The following ATP6V1C1 variants were observed in gnomAD, a reference collection of about 807,000 sequenced individuals.
ATP6V1C1 encodes the protein V-type proton ATPase subunit C 1.
ATP6V1C1 carries 45 observed loss-of-function variants against 53.9 expected under a neutral mutation model. The observed-to-expected ratio is 0.83, with a 90% CI of 0.66 to 1.07. The LOEUF (loss-of-function observed/expected upper bound fraction) is 1.07, where lower values mean the gene tolerates loss of function less well. ATP6V1C1 is among the 50% of genes least tolerant of loss of function. The pLI is 0.00. For synonymous variants in ATP6V1C1, 153 were observed against 155.2 expected, an observed-to-expected ratio of 0.99 and a Z score of 0.11; for missense variants, 315 against 440.3, an observed-to-expected ratio of 0.72 and a Z score of 2.55.
At chr8:103,066,052 A>G (rs769562938) in intron 11 of ATP6V1C1, among the ~76,000 whole-genome samples, 11 of 152,126 alleles carry the variant, frequency 7.2e-5, no homozygotes, top group Non-Finnish European at 1.0e-4. Flanking sequence ...AGAAAAAAAA[A>G]ATGAATGGTA....
rs369852846 is a variant in ATP6V1C1 at position 103,064,704 on chromosome 8, C to A, written c.829-10C>A. 3.8e-6 allele frequency: 6 copies of A among 1,591,930 alleles called. No individual in the cohort carries two copies. Among genetic ancestry groups the A allele is most frequent in the Non-Finnish European group, 5.1e-6 (6 of 1,172,076 alleles). On this transcript the variant is annotated splice_polypyrimidine_tract_variant and intron_variant, in intron 10 of 12. Transcript: ENST00000518738. ...GACCAAATTTGTGGTAATTTTTTTT[C>A]TTTTTATAGGGACCACTTGTACGGT... is the stretch of plus-strand genomic sequence containing the variant.
At chr8:103,023,555 T>C (rs1816637145) in intron 1 of ATP6V1C1, among the ~76,000 whole-genome samples, 2 of 152,174 alleles carry the variant, frequency 1.3e-5, no homozygotes, top group Admixed American at 6.5e-5. Flanking sequence ...TAGCAGAGGC[T>C]CTTTTGCAAA....
chr8:103,054,115 C>G, intron 7 of ATP6V1C1, 133 bp downstream of exon 7: 2 of 613,418 alleles, frequency 3.3e-6, no homozygotes. Flanking sequence ...ATTCTGTCAT[C>G]AACATTTGCT....
chr8:103,064,076 CTAA>C (rs1420718990), intron 10 of ATP6V1C1, among the ~76,000 whole-genome samples: 4 of 152,226 alleles, frequency 2.6e-5, no homozygotes, highest in Non-Finnish European at 4.4e-5. Flanking sequence ...CCAAATGAGC[CTAA>C]TAATGTTATC....
intron 1 of ATP6V1C1, among the ~76,000 whole-genome samples, chr8:103,026,106 T>G (rs1385182459): frequency 6.6e-6 from 1 of 152,244 alleles, no homozygotes; most frequent in Non-Finnish European, 1.5e-5. Context: ...AGGAGGAGTC[T>G]CTAGAAGCTG....
chr8:103,049,219 G>A (rs1817157662), intron 4 of ATP6V1C1, among the ~76,000 whole-genome samples: 2 of 152,160 alleles, frequency 1.3e-5, no homozygotes, highest in Admixed American at 1.3e-4. Flanking sequence ...GAGCAGTATT[G>A]TAAAGGTTTG....
At chr8:103,030,756 C>A (rs895706135) in intron 1 of ATP6V1C1, among the ~76,000 whole-genome samples, 13 of 148,016 alleles carry the variant, frequency 8.8e-5, no homozygotes, top group African/African-American at 2.9e-4. Flanking sequence ...GAAATAAACA[C>A]CAGAAACTTA....
At chr8:103,066,474 A>C (rs780560097) in intron 12 of ATP6V1C1, 27 bp downstream of exon 12, 1 of 1,512,296 alleles carries the variant, frequency 6.6e-7, no homozygotes, top group East Asian at 2.4e-5. Context: ...CCAGTAGAGT[A>C]AGAATTGAAG....
intron 2 of ATP6V1C1, among the ~76,000 whole-genome samples, chr8:103,042,021 C>A (rs181222249): frequency 1.8e-4 from 27 of 152,276 alleles, no homozygotes; most frequent in African/African-American, 6.5e-4. Context: ...TAGCGCACAT[C>A]CGTGGACCTC....
At chr8:103,064,842 T>C in intron 11 of ATP6V1C1, 31 bp downstream of exon 11, 5 of 1,590,688 alleles carry the variant, frequency 3.1e-6, no homozygotes, top group Non-Finnish European at 4.3e-6. Flanking sequence ...AACTTGGAAC[T>C]GAAGAGTTCA....
At position 103,066,374 on chromosome 8, in the gene ATP6V1C1, C is replaced by T. The variant is rs1318068374; in HGVS notation, c.980C>T (p.Thr327Ile). 6.2e-7 allele frequency: 1 copy of T among 1,613,214 alleles called. No individual in the cohort carries two copies. The highest frequency in any genetic ancestry group is 1.3e-5 in the African/African-American group (1 of 74,844). Residue 327 changes from threonine to isoleucine, a missense_variant, in exon 12 of 13, where the codon ACT (threonine) becomes ATT (isoleucine). Physicochemically the swap from Thr to Ile is moderately conservative, Grantham distance 89 (BLOSUM62 -1). Transcript: ENST00000518738. ...ATGCTACTTCAGCCCAATAAGAAAA[C>T]TTTGAAGAAACTGAGAGAAGTATTA... The part of the protein sequence containing the change: ...QAMLLQPNKK[T>I]LKKLREVLHE...
At chr8:103,051,010 A>G (rs1323782116) in intron 4 of ATP6V1C1, 40 bp from the exon 5 acceptor site, 4 of 1,381,374 alleles carry the variant, frequency 2.9e-6, no homozygotes, top group African/African-American at 1.4e-5. Flanking sequence ...GAACAATTCT[A>G]TTGTTTTTCT....
chr8:103,032,019 CAAAAAACAA>C (rs1563601041), intron 1 of ATP6V1C1, among the ~76,000 whole-genome samples: 1 of 149,284 alleles, frequency 6.7e-6, no homozygotes, highest in Non-Finnish European at 1.5e-5. Context: ...AAACAAAAAA[CAAAAAACAA>C]AAAAAACCCA....
intron 4 of ATP6V1C1, 120 bp downstream of exon 4, chr8:103,049,075 A>G: frequency 6.0e-6 from 5 of 838,568 alleles, no homozygotes; most frequent in South Asian, 3.6e-5. Flanking sequence ...ATAGAAAGCC[A>G]TTAAAATACA....
intron 1 of ATP6V1C1, among the ~76,000 whole-genome samples, chr8:103,027,298 A>G (rs1316083706): frequency 6.6e-6 from 1 of 152,216 alleles, no homozygotes; most frequent in Admixed American, 6.5e-5. Flanking sequence ...GTGAAATTTA[A>G]TTTACTGTGA....
In ATP6V1C1 at chr8:103,063,244, A is replaced by G. The variant is rs1483106201; in HGVS notation, c.828+16A>G. On this transcript the variant is annotated intron_variant, in intron 10 of 12. Coordinates refer to ENST00000518738, the MANE Select transcript of ATP6V1C1 (RefSeq NM_001695.5). ...AAAACAATTTGTATGTGTTTTTAAT[A>G]TTTAGTATTATCAGTACTAAGCAGA... 3 of 1,516,502 alleles carry G rather than the reference A, an allele frequency of 2.0e-6. No individual in the cohort carries two copies. The highest frequency in any genetic ancestry group is 3.5e-5 in the Admixed American group (2 of 57,496). The allele number at this position is 1,516,502 out of a possible 1,614,324, so 93.9% of individuals were successfully genotyped here.
chr8:103,050,509 T>C (rs1409383200), intron 4 of ATP6V1C1, among the ~76,000 whole-genome samples: 3 of 152,234 alleles, frequency 2.0e-5, no homozygotes, highest in African/African-American at 7.2e-5. Context: ...CTTTGACTAC[T>C]AAACTTCCAA....
chr8:103,034,528 G>T (rs927826314), intron 1 of ATP6V1C1, among the ~76,000 whole-genome samples: 7 of 150,406 alleles, frequency 4.7e-5, no homozygotes, highest in Non-Finnish European at 1.0e-4. Flanking sequence ...GATAAATTTT[G>T]TTTGAAACTA....
chr8:103,036,251 T>C (rs536040609), intron 1 of ATP6V1C1, among the ~76,000 whole-genome samples: 187 of 152,310 alleles, frequency 1.2e-3, no homozygotes, highest in African/African-American at 4.2e-3. Flanking sequence ...TCTCTGTGTA[T>C]TACTGCCTAT....
Sources: gnomAD v4.1 joint callset for allele counts (sites outside exome capture counted in the v4.1 genomes callset) on GRCh38, gnomAD v4.1.1 for gene constraint, MANE v1.5 for transcripts, NCBI Gene and HGNC (gene_info 2026-07-23, HGNC 2026-07-21) for gene names.